GRIP1: variants seen among roughly 807,000 people sequenced by gnomAD.
GRIP1 encodes glutamate receptor-interacting protein 1.
In GRIP1, 45 loss-of-function variants were observed where a neutral mutation model predicts 129.9. That is an observed-to-expected ratio of 0.35 (90% CI 0.27 to 0.44). The LOEUF (loss-of-function observed/expected upper bound fraction) is 0.44. Ranked by LOEUF, GRIP1 falls within the 20% of genes least tolerant of loss-of-function variation. The pLI is 1.00. For missense variants in GRIP1, 1,196 were observed against 1,396.8 expected (o/e 0.86, Z 2.29); for synonymous variants, 530 against 520.8 (o/e 1.02, Z -0.24).
intron 1 of GRIP1, among the ~76,000 whole-genome samples, chr12:66,967,451 T>C (rs2137558628): frequency 6.6e-6 from 1 of 152,348 alleles, no homozygotes; most frequent in East Asian, 1.9e-4. Flanking sequence ...CATTTAAGTA[T>C]GTTATTCACA....
At chr12:66,751,081 A>G (rs2037111904) in intron 1 of GRIP1, among the ~76,000 whole-genome samples, 1 of 152,168 alleles carries the variant, frequency 6.6e-6, no homozygotes, top group South Asian at 2.1e-4. Flanking sequence ...AGTTAAAATA[A>G]AAGTAGTGCC....
intron 1 of GRIP1, among the ~76,000 whole-genome samples, chr12:66,714,886 C>T (rs1034954667): frequency 6.8e-6 from 1 of 147,692 alleles, no homozygotes; most frequent in African/African-American, 2.5e-5. Flanking sequence ...ATTCAATCCA[C>T]CCATCCATCC....
intron 23 of GRIP1, among the ~76,000 whole-genome samples, chr12:66,362,637 C>T (rs968143810): frequency 6.6e-6 from 1 of 151,820 alleles, no homozygotes; most frequent in Admixed American, 6.6e-5. Flanking sequence ...GCTAGAAATA[C>T]GTACATTTGA....
At chr12:67,007,691 C>A (rs749541367) in intron 1 of GRIP1, among the ~76,000 whole-genome samples, 1 of 152,110 alleles carries the variant, frequency 6.6e-6, no homozygotes, top group East Asian at 1.9e-4. Context: ...ATTTCCAATG[C>A]CATCCCCACC....
At chr12:67,004,277 G>T (rs545613059) in intron 1 of GRIP1, among the ~76,000 whole-genome samples, 1 of 152,236 alleles carries the variant, frequency 6.6e-6, no homozygotes, top group South Asian at 2.1e-4. Flanking sequence ...GCACCAGCCG[G>T]TTACTCACTA....
chr12:66,739,251 T>C (rs898082942), intron 1 of GRIP1, among the ~76,000 whole-genome samples: 1 of 152,118 alleles, frequency 6.6e-6, no homozygotes, highest in Non-Finnish European at 1.5e-5. Flanking sequence ...AATGTAAACC[T>C]CACAGAACTC....
At chr12:66,601,114 T>C (rs1251138016) in intron 1 of GRIP1, among the ~76,000 whole-genome samples, 3 of 152,150 alleles carry the variant, frequency 2.0e-5, no homozygotes, top group Non-Finnish European at 4.4e-5. Flanking sequence ...TAGTCAAGCA[T>C]ACACTTAAAG....
chr12:66,982,979 T>G (rs2042260653), intron 1 of GRIP1, among the ~76,000 whole-genome samples: 1 of 152,184 alleles, frequency 6.6e-6, no homozygotes. Flanking sequence ...ACAGTTTTCT[T>G]GATAAAAAGG....
At chr12:66,929,532 T>A (rs955927791) in intron 1 of GRIP1, among the ~76,000 whole-genome samples, 1 of 152,202 alleles carries the variant, frequency 6.6e-6, no homozygotes, top group Non-Finnish European at 1.5e-5. Context: ...GGTTCACATA[T>A]GGAAGATGAT....
chr12:66,417,976 C>T (rs1052106384), intron 15 of GRIP1, among the ~76,000 whole-genome samples: 1 of 151,924 alleles, frequency 6.6e-6, no homozygotes, highest in African/African-American at 2.4e-5. Flanking sequence ...CCTAGAATAC[C>T]CAATTCTATC....
chr12:67,005,968 A>G (rs1180341084), intron 1 of GRIP1, among the ~76,000 whole-genome samples: 1 of 152,146 alleles, frequency 6.6e-6, no homozygotes, highest in East Asian at 1.9e-4. Flanking sequence ...TGCCCGTTAA[A>G]CCTTAAATCT....
intron 16 of GRIP1, among the ~76,000 whole-genome samples, chr12:66,397,262 AG>A (rs149710530): frequency 0.029 from 4,392 of 152,228 alleles, 212 homozygotes; most frequent in African/African-American, 0.1. Context: ...CTGTAATCCC[AG>A]CACTTTGGGA....
chr12:66,494,829 T>C (rs1045623931), intron 7 of GRIP1, among the ~76,000 whole-genome samples: 3 of 152,152 alleles, frequency 2.0e-5, no homozygotes, highest in African/African-American at 7.2e-5. Flanking sequence ...TGCAATGAGC[T>C]ATGATTGCAC....
intron 1 of GRIP1, among the ~76,000 whole-genome samples, chr12:66,882,216 A>C (rs75200170): frequency 1.4e-5 from 2 of 144,452 alleles, no homozygotes; most frequent in Non-Finnish European, 1.5e-5. Context: ...ATCACAAAAA[A>C]AAAAAAAAAA....
chr12:67,036,592 A>C (rs2043099400), intron 1 of GRIP1, among the ~76,000 whole-genome samples: 1 of 152,194 alleles, frequency 6.6e-6, no homozygotes, highest in East Asian at 1.9e-4. Flanking sequence ...CTGCCTCCCA[A>C]AGTGCTGGGA....
intron 1 of GRIP1, among the ~76,000 whole-genome samples, chr12:66,890,546 T>C (rs1352103516): frequency 6.6e-5 from 10 of 152,206 alleles, no homozygotes; most frequent in Admixed American, 6.5e-4. Flanking sequence ...TACTTGTTAG[T>C]CTGGGTGTCA....
intron 1 of GRIP1, among the ~76,000 whole-genome samples, chr12:67,066,364 C>T (rs1385706431): frequency 6.6e-6 from 1 of 152,036 alleles, no homozygotes; most frequent in Non-Finnish European, 1.5e-5. Context: ...ATGCGGTCCT[C>T]AAAGAAGCTA....
chr12:66,878,883 A>T (rs2040426460), intron 1 of GRIP1, among the ~76,000 whole-genome samples: 1 of 152,038 alleles, frequency 6.6e-6, no homozygotes, highest in Non-Finnish European at 1.5e-5. Context: ...ACATTGGAAC[A>T]ACAGCTTGTA....
At chr12:66,965,947 C>CTGTGATG (rs1566098013) in intron 1 of GRIP1, among the ~76,000 whole-genome samples, 5 of 151,910 alleles carry the variant, frequency 3.3e-5, no homozygotes, top group Non-Finnish European at 7.4e-5. Flanking sequence ...TGACACTTCA[C>CTGTGATG]ACTGTGATGA....
Sources: gnomAD v4.1 joint callset for allele counts (sites outside exome capture counted in the v4.1 genomes callset) on GRCh38, gnomAD v4.1.1 for gene constraint, MANE v1.5 for transcripts, NCBI Gene and HGNC (gene_info 2026-07-23, HGNC 2026-07-21) for gene names.